The following CDC42BPA variants were observed in gnomAD, a reference collection of about 807,000 sequenced individuals.
The protein encoded by CDC42BPA is CDC42 binding protein kinase alpha.
In CDC42BPA, 80 loss-of-function variants were observed where a neutral mutation model predicts 223.5. The ratio of observed to expected loss-of-function variants is 0.36; its 90% CI spans 0.30 to 0.43. The LOEUF is 0.43. CDC42BPA is among the 20% of genes least tolerant of loss of function. The probability of loss-of-function intolerance (pLI) is 1.00; values close to 1 mark genes in which losing one functional copy is unlikely to be tolerated. For missense variants in CDC42BPA, 1,743 were observed against 2,099.9 expected (o/e 0.83, Z 3.32); for synonymous variants, 694 against 718.6 (o/e 0.97, Z 0.55).
At chr1:227,212,725 T>C (rs1216302684) in intron 3 of CDC42BPA, among the ~76,000 whole-genome samples, 2 of 152,210 alleles carry the variant, frequency 1.3e-5, no homozygotes, top group Non-Finnish European at 2.9e-5. Context: ...ATAATCAGCA[T>C]TAAACAGAAT....
intron 2 of CDC42BPA, among the ~76,000 whole-genome samples, chr1:227,245,195 C>T (rs1680702806): frequency 6.6e-6 from 1 of 151,934 alleles, no homozygotes. Flanking sequence ...TCCCCCAACC[C>T]AGGCAGTGCA....
chr1:227,054,579 T>C (rs1674190495), intron 21 of CDC42BPA, among the ~76,000 whole-genome samples: 1 of 152,176 alleles, frequency 6.6e-6, no homozygotes, highest in South Asian at 2.1e-4. Context: ...GACAGTGGGA[T>C]ATTGGAGAAA....
chr1:227,193,063 CTTTTTTT>C (rs1160548241), intron 5 of CDC42BPA, among the ~76,000 whole-genome samples: 60 of 117,034 alleles, frequency 5.1e-4, no homozygotes, highest in African/African-American at 1.9e-3. Flanking sequence ...GAAGTGAGAA[CTTTTTTT>C]TTTTTTTTTT....
At chr1:227,273,354 AT>A (rs1053470844) in intron 1 of CDC42BPA, among the ~76,000 whole-genome samples, 3 of 151,606 alleles carry the variant, frequency 2.0e-5, no homozygotes, top group African/African-American at 4.9e-5. Context: ...TCACCTGAGG[AT>A]TGGGAATTCG....
At position 226,999,278 on chromosome 1, in the gene CDC42BPA, G is replaced by A. The variant is rs1348863926; in HGVS notation, c.4976-4298C>T. ...TGCAAGCTCTGCCTCCCAGATTCAC[G>A]CCATTCTCCTGCCTCAGCCTCTCGA... On this transcript the variant is annotated intron_variant, in intron 35 of 36. Transcript: ENST00000366766. 3.3e-5 allele frequency among the ~76,000 whole-genome samples: 5 copies of A among 151,500 alleles called. No homozygotes were observed. The East Asian group carries it at 5.8e-4, about 18-fold the overall frequency.
intron 2 of CDC42BPA, among the ~76,000 whole-genome samples, chr1:227,237,516 T>C (rs977806357): frequency 3.9e-5 from 6 of 152,236 alleles, no homozygotes; most frequent in Non-Finnish European, 5.9e-5. Flanking sequence ...TCGCGCTACA[T>C]AGGTACAGTG....
rs1384360456 is a variant in CDC42BPA at position 226,990,468 on chromosome 1, G to A, written c.*3800C>T. On this transcript the variant is annotated 3_prime_UTR_variant, in exon 37 of 37. Coordinates refer to ENST00000366766, the MANE Select transcript of CDC42BPA (RefSeq NM_001394014.1). ...ATGAAATGCAGCTCATCTAGTTCAGGGCTGGGCCAGAGAGACGGGGGAGTG... is the reference window on the plus strand; with the variant it reads ...ATGAAATGCAGCTCATCTAGTTCAGAGCTGGGCCAGAGAGACGGGGGAGTG... 1.3e-5 allele frequency: 2 copies of A among 152,356 alleles called. No individual in the cohort carries two copies. The highest frequency in any genetic ancestry group is 3.4e-3 in the Middle Eastern group (1 of 294). 9.4% of individuals were successfully genotyped at this position (152,356 alleles called of 1,614,324 possible). A position where few individuals can be genotyped will look rare whatever the true frequency, so the allele number is the denominator to read the frequency against.
At chr1:227,266,240 GA>G (rs1175797606) in intron 1 of CDC42BPA, among the ~76,000 whole-genome samples, 1 of 152,190 alleles carries the variant, frequency 6.6e-6, no homozygotes, top group Non-Finnish European at 1.5e-5. Flanking sequence ...ACCAGTAATA[GA>G]AAGGGCCTGA....
intron 20 of CDC42BPA, among the ~76,000 whole-genome samples, chr1:227,071,930 T>C (rs1275211269): frequency 6.6e-6 from 1 of 151,806 alleles, no homozygotes; most frequent in Non-Finnish European, 1.5e-5. Context: ...TCCACTGCAC[T>C]GAAAAAAAAC....
At chr1:227,202,674 G>A (rs1671987249) in intron 3 of CDC42BPA, among the ~76,000 whole-genome samples, 1 of 150,552 alleles carries the variant, frequency 6.6e-6, no homozygotes, top group Non-Finnish European at 1.5e-5. Context: ...GCAGTCCCAC[G>A]CTTTGGGAAG....
At chr1:227,301,457 T>G (rs1459412793) in intron 1 of CDC42BPA, among the ~76,000 whole-genome samples, 1 of 152,038 alleles carries the variant, frequency 6.6e-6, no homozygotes, top group Non-Finnish European at 1.5e-5. Flanking sequence ...CCTCCTGGGT[T>G]CAAGCGATTC....
intron 15 of CDC42BPA, among the ~76,000 whole-genome samples, chr1:227,099,006 T>A (rs2149294991): frequency 6.6e-6 from 1 of 152,246 alleles, no homozygotes; most frequent in African/African-American, 2.4e-5. Context: ...CTATGTGGTG[T>A]TGAAAAATTC....
chr1:227,200,660 T>C (rs938467912), intron 3 of CDC42BPA, among the ~76,000 whole-genome samples: 1 of 152,116 alleles, frequency 6.6e-6, no homozygotes, highest in Admixed American at 6.5e-5. Context: ...GTATTATTAT[T>C]ATACAATGTT....
At chr1:227,129,666 CAAAAA>C (rs569879499) in intron 10 of CDC42BPA, among the ~76,000 whole-genome samples, 36 of 33,916 alleles carry the variant, frequency 1.1e-3, no homozygotes, top group Admixed American at 4.2e-3. Context: ...GACTGTATCT[CAAAAA>C]AAAAAAAAAA....
intron 22 of CDC42BPA, among the ~76,000 whole-genome samples, chr1:227,051,282 G>C (rs1442448398): frequency 6.6e-6 from 1 of 152,204 alleles, no homozygotes; most frequent in Non-Finnish European, 1.5e-5. Flanking sequence ...TATGGACTGA[G>C]GTACAGCATT....
At chr1:227,163,742 A>AATAT (rs1553372070) in intron 5 of CDC42BPA, among the ~76,000 whole-genome samples, 1 of 142,682 alleles carries the variant, frequency 7.0e-6, no homozygotes, top group African/African-American at 2.5e-5. Context: ...AAAAAAAAAA[A>AATAT]ATATATATAT....
chr1:227,243,257 C>A (rs1476140724), intron 2 of CDC42BPA, among the ~76,000 whole-genome samples: 1 of 152,146 alleles, frequency 6.6e-6, no homozygotes, highest in African/African-American at 2.4e-5. Context: ...ATAATCTGTA[C>A]AACAAATGCC....
intron 1 of CDC42BPA, among the ~76,000 whole-genome samples, chr1:227,310,399 G>A (rs1197264854): frequency 6.6e-6 from 1 of 152,180 alleles, no homozygotes; most frequent in Non-Finnish European, 1.5e-5. Context: ...GAAGCAAACA[G>A]TTCCATGAGG....
chr1:227,116,977 T>C (rs1204999800), intron 12 of CDC42BPA, among the ~76,000 whole-genome samples: 1 of 152,164 alleles, frequency 6.6e-6, no homozygotes, highest in African/African-American at 2.4e-5. Flanking sequence ...TCTCTTTAGA[T>C]TTCCAAGGAA....
Sources: allele counts gnomAD v4.1 joint callset (sites outside exome capture counted in the v4.1 genomes callset), GRCh38; gene constraint gnomAD v4.1.1; transcripts MANE v1.5; gene names NCBI Gene and HGNC (gene_info 2026-07-23, HGNC 2026-07-21).